The following SLC39A11 variants were observed in gnomAD, a reference collection of about 807,000 sequenced individuals.
The protein encoded by SLC39A11 is zinc transporter ZIP11.
In SLC39A11, 33 loss-of-function variants were observed where a neutral mutation model predicts 36.1. The ratio of observed to expected loss-of-function variants is 0.91; its 90% CI spans 0.69 to 1.22. The LOEUF (loss-of-function observed/expected upper bound fraction) is 1.22. Ranked by LOEUF, SLC39A11 falls within the 50% of genes most tolerant of loss-of-function variation. The probability of loss-of-function intolerance (pLI) is 0.00; values close to 1 mark genes in which losing one functional copy is unlikely to be tolerated. For synonymous variants in SLC39A11, 166 were observed against 170.3 expected (o/e 0.97, Z 0.20); for missense variants, 432 against 430.3 (o/e 1.00, Z -0.03).
At chr17:72,772,390 T>C (rs371811662) in intron 6 of SLC39A11, among the ~76,000 whole-genome samples, 4 of 152,308 alleles carry the variant, frequency 2.6e-5, no homozygotes, top group South Asian at 2.1e-4. Flanking sequence ...TTTATATGCA[T>C]AACTCCACTT....
At chr17:72,935,164 G>A (rs1386284732) in intron 5 of SLC39A11, among the ~76,000 whole-genome samples, 2 of 152,166 alleles carry the variant, frequency 1.3e-5, no homozygotes, top group Admixed American at 6.5e-5. Context: ...GTATCCACAC[G>A]ATGGAATGCT....
chr17:72,707,033 T>A (rs2072920717), intron 7 of SLC39A11, among the ~76,000 whole-genome samples: 1 of 152,200 alleles, frequency 6.6e-6, no homozygotes, highest in South Asian at 2.1e-4. Context: ...CAAATTGAGA[T>A]GTGCTGTAAA....
chr17:72,756,539 A>T (rs1169958778), intron 6 of SLC39A11, among the ~76,000 whole-genome samples: 9 of 152,272 alleles, frequency 5.9e-5, no homozygotes, highest in Admixed American at 4.6e-4. Context: ...TCACAAAAAG[A>T]CGAATACTAT....
In SLC39A11 at chr17:72,803,507, G is replaced by A. The variant is rs570650155; in HGVS notation, c.601+46127C>T. On this transcript the variant is annotated intron_variant, in intron 6 of 9. Transcript: ENST00000255559. ...AGGGAAAGTGGGGGAAGGCTGTGTG[G>A]ACCATTGAGCTCTATGTAGTTATAG... is the stretch of plus-strand genomic sequence containing the variant. Among the ~76,000 whole-genome samples the A allele has an allele frequency of 4.8e-4, 73 of 152,348 alleles. No homozygotes were observed. In the South Asian group the frequency reaches 0.014, roughly 29 times the overall value.
intron 6 of SLC39A11, among the ~76,000 whole-genome samples, chr17:72,831,542 T>G (rs1245797181): frequency 6.6e-6 from 1 of 152,186 alleles, no homozygotes; most frequent in African/African-American, 2.4e-5. Flanking sequence ...AATCACCTAC[T>G]TGGTGATTTT....
chr17:72,839,354 A>G (rs1291305582), intron 6 of SLC39A11: 1 of 152,202 alleles, frequency 6.6e-6, no homozygotes, highest in East Asian at 1.9e-4. Flanking sequence ...GATTTTTCAG[A>G]TATGATTATC....
intron 4 of SLC39A11, among the ~76,000 whole-genome samples, chr17:72,954,776 C>G (rs2086126833): frequency 6.6e-6 from 1 of 152,126 alleles, no homozygotes; most frequent in Non-Finnish European, 1.5e-5. Flanking sequence ...GAGCCCGGCA[C>G]CAGGCAGCTG....
intron 4 of SLC39A11, among the ~76,000 whole-genome samples, chr17:72,978,984 G>A (rs978362701): frequency 2.0e-5 from 3 of 152,090 alleles, no homozygotes; most frequent in Non-Finnish European, 4.4e-5. Flanking sequence ...CCCTTGCTCT[G>A]GGGCTGACAT....
chr17:72,924,682 G>C (rs367830038), intron 5 of SLC39A11, among the ~76,000 whole-genome samples: 44 of 152,054 alleles, frequency 2.9e-4, no homozygotes, highest in African/African-American at 8.7e-4. Context: ...TGATCAAAAA[G>C]GAAAAATCTC....
chr17:72,856,620 C>A (rs758498299), intron 5 of SLC39A11, among the ~76,000 whole-genome samples: 38 of 152,088 alleles, frequency 2.5e-4, no homozygotes, highest in Non-Finnish European at 2.6e-4. Flanking sequence ...CCTTATGGAA[C>A]TATGTAGTAT....
At chr17:72,893,474 T>C (rs1438085355) in intron 5 of SLC39A11, among the ~76,000 whole-genome samples, 2 of 151,944 alleles carry the variant, frequency 1.3e-5, no homozygotes, top group East Asian at 1.9e-4. Flanking sequence ...AAAAAATATA[T>C]ATATATAGAT....
intron 5 of SLC39A11, among the ~76,000 whole-genome samples, chr17:72,940,277 CTT>C (rs5821935): frequency 1.4e-5 from 2 of 144,812 alleles, no homozygotes; most frequent in African/African-American, 2.5e-5. Context: ...AGCCATCTGA[CTT>C]TTTTTTTTTT....
intron 4 of SLC39A11, among the ~76,000 whole-genome samples, chr17:72,958,648 C>G (rs148236023): frequency 1.3e-5 from 2 of 152,106 alleles, no homozygotes; most frequent in African/African-American, 4.8e-5. Context: ...ATCAGGAATT[C>G]GAGACCAGCC....
At chr17:72,706,186 T>C (rs1427056448) in intron 7 of SLC39A11, among the ~76,000 whole-genome samples, 2 of 152,206 alleles carry the variant, frequency 1.3e-5, no homozygotes, top group Non-Finnish European at 2.9e-5. Context: ...GAATTATTCA[T>C]GTCTCATTTG....
intron 7 of SLC39A11, among the ~76,000 whole-genome samples, chr17:72,696,491 C>T (rs372755776): frequency 1.3e-4 from 20 of 152,248 alleles, no homozygotes; most frequent in African/African-American, 4.6e-4. Flanking sequence ...GATCTGATCC[C>T]GGAGTCTGTT....
intron 2 of SLC39A11, among the ~76,000 whole-genome samples, chr17:73,085,273 G>A (rs1316810002): frequency 2.6e-5 from 4 of 151,956 alleles, no homozygotes; most frequent in African/African-American, 9.7e-5. Flanking sequence ...GTGGGAGGCT[G>A]AGGCGGGCAG....
intron 7 of SLC39A11, among the ~76,000 whole-genome samples, chr17:72,723,778 T>C (rs2073809253): frequency 6.6e-6 from 1 of 152,190 alleles, no homozygotes; most frequent in South Asian, 2.1e-4. Context: ...ATCAGATCAT[T>C]CACCCATCTG....
At chr17:72,937,211 C>T (rs750583750) in intron 5 of SLC39A11, among the ~76,000 whole-genome samples, 30 of 152,236 alleles carry the variant, frequency 2.0e-4, no homozygotes, top group Middle Eastern at 3.4e-3. Flanking sequence ...GAGGCCGAGG[C>T]GGGTGGATCG....
intron 4 of SLC39A11, among the ~76,000 whole-genome samples, chr17:72,976,157 G>A (rs141148853): frequency 0.022 from 2,685 of 119,840 alleles, 57 homozygotes; most frequent in Admixed American, 0.071. Context: ...GCGACAGAGC[G>A]CGACTCCATC....
Sources: gnomAD v4.1 joint callset for allele counts (sites outside exome capture counted in the v4.1 genomes callset) on GRCh38, gnomAD v4.1.1 for gene constraint, MANE v1.5 for transcripts, NCBI Gene and HGNC (gene_info 2026-07-23, HGNC 2026-07-21) for gene names.